The following LMNB1 variants were observed in gnomAD, a reference collection of about 807,000 sequenced individuals.
LMNB1 encodes lamin-B1.
A neutral mutation model predicts 67.1 loss-of-function variants in LMNB1; 23 were observed. That is an observed-to-expected ratio of 0.34 (90% CI 0.25 to 0.49). LMNB1 has a LOEUF of 0.49. Among genes scored for constraint, LMNB1 ranks in the 20% least tolerant of loss-of-function variants. The probability of loss-of-function intolerance (pLI) is 0.99; values close to 1 mark genes in which losing one functional copy is unlikely to be tolerated. For missense variants in LMNB1, 634 were observed against 746.5 expected, an observed-to-expected ratio of 0.85 and a Z score of 1.76; for synonymous variants, 281 against 282.9, an observed-to-expected ratio of 0.99 and a Z score of 0.07.
chr5:126,806,500 G>C (rs1197590036), intron 3 of LMNB1, among the ~76,000 whole-genome samples: 1 of 152,160 alleles, frequency 6.6e-6, no homozygotes, highest in Non-Finnish European at 1.5e-5. Flanking sequence ...TGGCATCTGA[G>C]CTCTTTCACA....
At chr5:126,826,135 A>G in intron 9 of LMNB1, 28 bp downstream of exon 9, 3 of 1,589,582 alleles carry the variant, frequency 1.9e-6, no homozygotes, top group South Asian at 1.1e-5. Context: ...GGACCACCAC[A>G]ATGTTAATTT....
Position 126,797,755 on chromosome 5 carries a change from T to TC in LMNB1, c.360-7019dup, listed in dbSNP as rs553264462. On this transcript the variant is annotated intron_variant, in intron 1 of 10. Coordinates refer to ENST00000261366, the MANE Select transcript of LMNB1 (RefSeq NM_005573.4). ...AACTCACTGCATGGCTCCCCATGTA[T>TC]CCTTGACAACTCATGTGACATAGAA... Among the ~76,000 whole-genome samples, 393 of 152,308 alleles carry TC rather than the reference T, an allele frequency of 2.6e-3. 5 individuals are homozygous for TC. Among genetic ancestry groups the TC allele is most frequent in the African/African-American group, 8.8e-3 (366 of 41,580 alleles).
At chr5:126,776,940 C>A (rs2112910500), upstream of LMNB1, 1 of 152,642 alleles carries the variant, frequency 6.6e-6, no homozygotes, top group African/African-American at 2.4e-5. Context: ...GCCCAAGGGC[C>A]AGATTTTAAA....
chr5:126,813,675 G>A (rs1267164530), intron 5 of LMNB1, among the ~76,000 whole-genome samples: 1 of 152,166 alleles, frequency 6.6e-6, no homozygotes, highest in African/African-American at 2.4e-5. Flanking sequence ...TTTATAGATG[G>A]TGCCTTCTTG....
chr5:126,801,095 C>T (rs996294193), intron 1 of LMNB1, among the ~76,000 whole-genome samples: 14 of 146,016 alleles, frequency 9.6e-5, no homozygotes, highest in Non-Finnish European at 1.3e-4. Flanking sequence ...GTGATTCTCC[C>T]GCCTCAGCCC....
chr5:126,796,495 C>T (rs891036461), intron 1 of LMNB1, among the ~76,000 whole-genome samples: 2 of 152,210 alleles, frequency 1.3e-5, no homozygotes, highest in Admixed American at 6.5e-5. Flanking sequence ...GTCAAACTGG[C>T]GGCATGTTGA....
chr5:126,808,202 G>A (rs1217932675), intron 3 of LMNB1, among the ~76,000 whole-genome samples: 4 of 150,024 alleles, frequency 2.7e-5, no homozygotes, highest in Non-Finnish European at 5.9e-5. Flanking sequence ...TTTTTTGTGT[G>A]AGACAGAGTC....
chr5:126,805,511 A>G, intron 2 of LMNB1, 60 bp from the exon 3 acceptor site: 2 of 1,137,872 alleles, frequency 1.8e-6, no homozygotes, highest in South Asian at 2.6e-5. Context: ...TAGATATCTT[A>G]TGTTCATTAT....
intron 9 of LMNB1, among the ~76,000 whole-genome samples, chr5:126,832,265 C>T (rs890558866): frequency 6.6e-6 from 1 of 151,368 alleles, no homozygotes; most frequent in Non-Finnish European, 1.5e-5. Flanking sequence ...GAGACTCTGT[C>T]TCCAAAAAAA....
intron 8 of LMNB1, 65 bp from the exon 9 acceptor site, chr5:126,825,923 T>C (rs1332707393): frequency 1.2e-6 from 2 of 1,607,480 alleles, no homozygotes; most frequent in East Asian, 2.2e-5. Context: ...TCTCATCGCA[T>C]TGCTGTCGTT....
At chr5:126,787,546 A>ATATATATATATATAT in intron 1 of LMNB1, among the ~76,000 whole-genome samples, 2 of 65,570 alleles carry the variant, frequency 3.1e-5, no homozygotes, top group African/African-American at 1.3e-4. Flanking sequence ...ATATATATAT[A>ATATATATATATATAT]TTTTTTTTTT....
chr5:126,835,930 C>T lies in LMNB1; in HGVS notation c.1720-293C>T, dbSNP rs1466862559. 2.6e-5 allele frequency among the ~76,000 whole-genome samples: 4 copies of T among 152,146 alleles called. No homozygotes were observed. The East Asian group carries it at 5.8e-4, about 22-fold the overall frequency. On this transcript the variant is annotated intron_variant, in intron 10 of 10. Coordinates refer to ENST00000261366, the MANE Select transcript of LMNB1 (RefSeq NM_005573.4). ...TGGTGGTGATGCACACCTGTAGTCG[C>T]AGCTGCTCGGGAGGCTGAGGCATGA...
At chr5:126,785,110 T>C (rs1452695896) in intron 1 of LMNB1, among the ~76,000 whole-genome samples, 1 of 146,874 alleles carries the variant, frequency 6.8e-6, no homozygotes, top group Non-Finnish European at 1.5e-5. Context: ...CTCCCAAATA[T>C]CTGGGATTAC....
In LMNB1 at chr5:126,777,535, G is replaced by A; in HGVS notation, c.27G>A (p.Pro9=). The change falls in exon 1 of 11, where the codon CCG becomes CCA. Residue 9 remains proline (P), a synonymous_variant. Coordinates refer to ENST00000261366, the MANE Select transcript of LMNB1 (RefSeq NM_005573.4). The part of the protein sequence containing the change: MATATPVP[P]RMGSRAGGPT... The stretch of plus-strand genomic sequence containing the variant: ...TGGCGACTGCGACCCCCGTGCCGCC[G>A]CGGATGGGCAGCCGCGCTGGCGGCC... 7.1e-7 allele frequency: 1 copy of A among 1,405,946 alleles called. No homozygotes were observed. 87.1% of individuals were successfully genotyped at this position (1,405,946 alleles called of 1,614,324 possible).
intron 1 of LMNB1, among the ~76,000 whole-genome samples, chr5:126,782,860 A>G (rs1750666485): frequency 6.6e-6 from 1 of 151,830 alleles, no homozygotes; most frequent in Admixed American, 6.6e-5. Context: ...AAACATGCTA[A>G]TCTTCTTTAG....
chr5:126,805,736 G>T (rs749686694), intron 3 of LMNB1, 40 bp downstream of exon 3: 24 of 1,441,414 alleles, frequency 1.7e-5, no homozygotes, highest in Non-Finnish European at 2.0e-5. Flanking sequence ...GAATGGAGGG[G>T]TTCTAGAATG....
rs1308149423 is a variant in LMNB1 at position 126,817,043 on chromosome 5, T to C, written c.940-1879T>C. 2.0e-5 allele frequency among the ~76,000 whole-genome samples: 3 copies of C among 148,354 alleles called. No homozygotes were observed. In the East Asian group the frequency reaches 6.0e-4, roughly 29 times the overall value. On this transcript the variant is annotated intron_variant, in intron 5 of 10. Coordinates refer to ENST00000261366, the MANE Select transcript of LMNB1 (RefSeq NM_005573.4). ...GAAATCTACATTTATTAAATGGCAT[T>C]CTTCTGTAACGATTTATCCATTCCC... is the stretch of plus-strand genomic sequence containing the variant.
At position 126,822,867 on chromosome 5, in the gene LMNB1, G is replaced by A. The variant is rs1426760625; in HGVS notation, c.1473G>A (p.Lys491=). Residue 491 remains lysine, a synonymous_variant, in exon 8 of 11, where the codon AAG becomes AAA. Transcript: ENST00000261366. ...AATATACCTCAAGATATGTGCTGAA[G>A]GCAGGCCAGACTGTTACAGTAAGTG... ...SYKYTSRYVL[K]AGQTVTIWAA... 23 of 1,600,166 alleles carry A rather than the reference G, an allele frequency of 1.4e-5. No individual in the cohort carries two copies. Among genetic ancestry groups the A allele is most frequent in the Non-Finnish European group, 2.0e-5 (23 of 1,167,626 alleles).
chr5:126,790,823 G>A (rs1439589996), intron 1 of LMNB1, among the ~76,000 whole-genome samples: 1 of 151,824 alleles, frequency 6.6e-6, no homozygotes, highest in Non-Finnish European at 1.5e-5. Context: ...GAGGTCAGGA[G>A]TTCGCAACCA....
Sources: allele counts gnomAD v4.1 joint callset (sites outside exome capture counted in the v4.1 genomes callset), GRCh38; gene constraint gnomAD v4.1.1; transcripts MANE v1.5; gene names NCBI Gene and HGNC (gene_info 2026-07-23, HGNC 2026-07-21).